The following GRIP1 variants were observed in gnomAD, a reference collection of about 807,000 sequenced individuals.
GRIP1 encodes glutamate receptor interacting protein 1.
In GRIP1, 45 loss-of-function variants were observed where a neutral mutation model predicts 129.9. The ratio of observed to expected loss-of-function variants is 0.35; its 90% CI spans 0.27 to 0.44. The LOEUF (loss-of-function observed/expected upper bound fraction) is 0.44, where lower values mean the gene tolerates loss of function less well. Among genes scored for constraint, GRIP1 ranks in the 20% least tolerant of loss-of-function variants. GRIP1 has a pLI of 1.00. For synonymous variants in GRIP1, 530 were observed against 520.8 expected (o/e 1.02, Z -0.24); for missense variants, 1,196 against 1,396.8 (o/e 0.86, Z 2.29).
chr12:66,856,684 C>T (rs1220345438), intron 1 of GRIP1, among the ~76,000 whole-genome samples: 1 of 151,570 alleles, frequency 6.6e-6, no homozygotes, highest in Non-Finnish European at 1.5e-5. Context: ...TACCATCTCA[C>T]ACCAGTTAGA....
At chr12:66,416,958 CAAAGA>C (rs974833182) in intron 15 of GRIP1, among the ~76,000 whole-genome samples, 9 of 151,320 alleles carry the variant, frequency 5.9e-5, no homozygotes, top group Non-Finnish European at 1.2e-4. Context: ...CACACACACA[CAAAGA>C]AAAGAAAAGA....
At chr12:66,506,431 C>A (rs1216745835) in intron 7 of GRIP1, among the ~76,000 whole-genome samples, 1 of 152,114 alleles carries the variant, frequency 6.6e-6, no homozygotes, top group African/African-American at 2.4e-5. Flanking sequence ...AAGAACCCAG[C>A]TACCAAAGAA....
At chr12:66,440,959 G>C (rs543904751) in intron 13 of GRIP1, among the ~76,000 whole-genome samples, 3 of 152,166 alleles carry the variant, frequency 2.0e-5, no homozygotes, top group African/African-American at 4.8e-5. Context: ...AGCCCACAAT[G>C]GTGTCCAGTC....
At chr12:66,880,005 G>T (rs12827976) in intron 1 of GRIP1, among the ~76,000 whole-genome samples, 32,636 of 152,038 alleles carry the variant, frequency 0.21, 4,166 homozygotes, top group East Asian at 0.29. Context: ...TCATGCTAAG[G>T]CCTACTGGGA....
chr12:66,857,556 G>GA (rs61311434), intron 1 of GRIP1, among the ~76,000 whole-genome samples: 37,222 of 125,510 alleles, frequency 0.3, 5,993 homozygotes, highest in Non-Finnish European at 0.39. Context: ...CTAGTCTCAG[G>GA]AAAAAAAAAA....
At chr12:66,871,940 T>C (rs1402597232) in intron 1 of GRIP1, among the ~76,000 whole-genome samples, 4 of 152,056 alleles carry the variant, frequency 2.6e-5, no homozygotes, top group Non-Finnish European at 4.4e-5. Context: ...TTGGGCACCA[T>C]CTTCATTGTT....
intron 13 of GRIP1, among the ~76,000 whole-genome samples, chr12:66,435,194 G>A (rs967707204): frequency 1.5e-5 from 2 of 135,052 alleles, no homozygotes; most frequent in Admixed American, 9.3e-5. Flanking sequence ...TTTCACAAAC[G>A]TGTGACCATT....
chr12:66,656,878 C>G (rs1592709091), intron 1 of GRIP1, among the ~76,000 whole-genome samples: 1 of 152,200 alleles, frequency 6.6e-6, no homozygotes, highest in African/African-American at 2.4e-5. Context: ...TTCTCTTTGG[C>G]TTTTTAGTAT....
At chr12:66,524,508 C>T (rs1377831470) in intron 5 of GRIP1, among the ~76,000 whole-genome samples, 1 of 151,970 alleles carries the variant, frequency 6.6e-6, no homozygotes, top group African/African-American at 2.4e-5. Flanking sequence ...ATACCAGAAT[C>T]TCTGGGACAC....
At position 66,573,588 on chromosome 12, in the gene GRIP1, G is replaced by A. The variant is rs111413212; in HGVS notation, c.136+23259C>T. ...CCACACAGTAGTAGGTGGCAGGGCCGGCATTCAAGTAAGGCAGGCTAGCTC... is the reference window on the plus strand; with the variant it reads ...CCACACAGTAGTAGGTGGCAGGGCCAGCATTCAAGTAAGGCAGGCTAGCTC... On this transcript the variant is annotated intron_variant, in intron 2 of 24. Coordinates refer to ENST00000359742, the MANE Select transcript of GRIP1 (RefSeq NM_001366722.1). Among the ~76,000 whole-genome samples the A allele has an allele frequency of 4.3e-3, 650 of 152,194 alleles. 8 individuals carry two copies. The highest frequency in any genetic ancestry group is 0.014 in the African/African-American group (599 of 41,502).
At chr12:66,667,548 T>C (rs1000132744) in intron 1 of GRIP1, among the ~76,000 whole-genome samples, 4 of 152,218 alleles carry the variant, frequency 2.6e-5, no homozygotes, top group African/African-American at 9.6e-5. Flanking sequence ...GTGTGAGTTA[T>C]AGCACTATGT....
intron 1 of GRIP1, among the ~76,000 whole-genome samples, chr12:66,725,441 G>A (rs2036223000): frequency 6.6e-6 from 1 of 152,032 alleles, no homozygotes; most frequent in Non-Finnish European, 1.5e-5. Flanking sequence ...GTTTTTTGTT[G>A]TTTTATATAT....
At chr12:66,452,639 A>G (rs1383995723) in intron 11 of GRIP1, among the ~76,000 whole-genome samples, 1 of 152,148 alleles carries the variant, frequency 6.6e-6, no homozygotes, top group Non-Finnish European at 1.5e-5. Flanking sequence ...ATGATTCACC[A>G]TCTACACAAA....
chr12:66,773,095 T>C (rs1415416845), intron 1 of GRIP1, among the ~76,000 whole-genome samples: 3 of 152,132 alleles, frequency 2.0e-5, no homozygotes, highest in South Asian at 4.2e-4. Flanking sequence ...ATGGAATGGG[T>C]AAAGGGAGGC....
At chr12:66,971,388 T>C (rs912150562) in intron 1 of GRIP1, among the ~76,000 whole-genome samples, 7 of 152,212 alleles carry the variant, frequency 4.6e-5, no homozygotes, top group African/African-American at 7.2e-5. Context: ...ACTTACTTTA[T>C]AGAAACAGAA....
intron 1 of GRIP1, among the ~76,000 whole-genome samples, chr12:66,786,902 T>G (rs953056038): frequency 6.6e-6 from 1 of 152,160 alleles, no homozygotes; most frequent in Non-Finnish European, 1.5e-5. Flanking sequence ...ATAATTCTAT[T>G]TTCTCTCTGA....
At chr12:67,042,146 T>G (rs1018587264) in intron 1 of GRIP1, among the ~76,000 whole-genome samples, 1 of 152,178 alleles carries the variant, frequency 6.6e-6, no homozygotes, top group Non-Finnish European at 1.5e-5. Context: ...ACGTGATGCC[T>G]TCTCCCGTGG....
chr12:66,627,367 T>C (rs1278953707), intron 1 of GRIP1, among the ~76,000 whole-genome samples: 2 of 152,184 alleles, frequency 1.3e-5, no homozygotes, highest in Non-Finnish European at 2.9e-5. Context: ...CAAAACAAAG[T>C]GAAAATATCA....
intron 5 of GRIP1, among the ~76,000 whole-genome samples, chr12:66,523,488 T>C (rs1475569367): frequency 6.6e-6 from 1 of 151,496 alleles, no homozygotes; most frequent in Non-Finnish European, 1.5e-5. Flanking sequence ...CTGAGAGATT[T>C]TGTCACCACC....
Sources: allele counts gnomAD v4.1 joint callset (sites outside exome capture counted in the v4.1 genomes callset), GRCh38; gene constraint gnomAD v4.1.1; transcripts MANE v1.5; gene names NCBI Gene and HGNC (gene_info 2026-07-23, HGNC 2026-07-21).